Variants in ATXN2 observed in about 807,000 individuals in gnomAD.
The protein encoded by ATXN2 is ataxin 2.
Under a neutral mutation model 138.6 loss-of-function variants are expected in ATXN2, and 37 were observed. The ratio of observed to expected loss-of-function variants is 0.27; its 90% confidence interval spans 0.21 to 0.35. ATXN2 has a LOEUF of 0.35. ATXN2 is among the 10% of genes least tolerant of loss of function. ATXN2 has a pLI of 1.00. For missense variants in ATXN2, 1,216 were observed against 1,480.3 expected (o/e 0.82, Z 2.93); for synonymous variants, 549 against 543.7 (o/e 1.01, Z -0.13).
chr12:111,507,023 C>A (rs1401246794), intron 14 of ATXN2, among the ~76,000 whole-genome samples: 3 of 152,190 alleles, frequency 2.0e-5, no homozygotes, highest in African/African-American at 7.2e-5. Flanking sequence ...ACAACCTCCA[C>A]CTCCCAGCCA....
In ATXN2 at chr12:111,453,258, C is replaced by G. The variant is rs1874804467; in HGVS notation, c.3440-418G>C. On this transcript the variant is annotated intron_variant, in intron 24 of 24. Transcript: ENST00000673436. This position sits in a 1 kb window ranked among gnomAD's most constrained non-coding sequence, Gnocchi z 5.4. Reference sequence around the variant, plus strand: ...GGCTAACGCTACACTCAAAGCCAGTCCATCCACAGCGCTTTCTCAGCAGTA... The same window carrying G: ...GGCTAACGCTACACTCAAAGCCAGTGCATCCACAGCGCTTTCTCAGCAGTA... 9.4e-7 allele frequency: 1 copy of G among 1,060,694 alleles called. No individual in the cohort carries two copies. The highest frequency in any genetic ancestry group is 1.7e-5 in the African/African-American group (1 of 59,722). 65.7% of individuals were successfully genotyped at this position (1,060,694 alleles called of 1,614,324 possible).
intron 1 of ATXN2, among the ~76,000 whole-genome samples, chr12:111,567,328 C>T (rs543277980): frequency 1.4e-4 from 22 of 151,848 alleles, no homozygotes; most frequent in East Asian, 3.9e-4. Flanking sequence ...GGTGAAACCC[C>T]GTCTCTACTA....
At chr12:111,563,941 T>C (rs1378135691) in intron 1 of ATXN2, among the ~76,000 whole-genome samples, 3 of 152,208 alleles carry the variant, frequency 2.0e-5, no homozygotes, top group African/African-American at 7.2e-5. Flanking sequence ...GTATCTGTCA[T>C]ATACCCACTA....
At chr12:111,472,411 T>C (rs1209809512) in intron 18 of ATXN2, among the ~76,000 whole-genome samples, 1 of 152,050 alleles carries the variant, frequency 6.6e-6, no homozygotes, top group Non-Finnish European at 1.5e-5. Context: ...AAAACTAACA[T>C]ATAAACAGCA....
At chr12:111,520,758 A>G in intron 7 of ATXN2, 124 bp downstream of exon 7, 4 of 587,230 alleles carry the variant, frequency 6.8e-6, no homozygotes, top group Middle Eastern at 4.5e-4. Flanking sequence ...AGTTGGTAAT[A>G]AGAGAAAAAT....
chr12:111,562,700 A>G (rs1245954460), intron 1 of ATXN2, among the ~76,000 whole-genome samples: 1 of 146,882 alleles, frequency 6.8e-6, no homozygotes, highest in Non-Finnish European at 1.5e-5. Context: ...AGCCTGGGCA[A>G]TAAGAGCGAA....
intron 18 of ATXN2, among the ~76,000 whole-genome samples, chr12:111,477,431 G>C (rs1181438524): frequency 1.3e-5 from 2 of 152,006 alleles, no homozygotes; most frequent in African/African-American, 2.4e-5. Context: ...ATTTATGGTG[G>C]AGAAAATGAA....
chr12:111,520,826 G>C, intron 7 of ATXN2, 56 bp downstream of exon 7: 1 of 962,352 alleles, frequency 1.0e-6, no homozygotes, highest in Non-Finnish European at 1.6e-6. Flanking sequence ...CATAAATTAA[G>C]CTGATGAAAA....
chr12:111,491,240 C>A (rs1235857574), intron 14 of ATXN2, among the ~76,000 whole-genome samples: 1 of 151,976 alleles, frequency 6.6e-6, no homozygotes, highest in Non-Finnish European at 1.5e-5. Context: ...GCAATAAGAG[C>A]GAAACTCTGC....
intron 1 of ATXN2, among the ~76,000 whole-genome samples, chr12:111,596,279 T>C (rs1884938620): frequency 1.3e-5 from 2 of 151,384 alleles, no homozygotes; most frequent in Non-Finnish European, 2.9e-5. Context: ...TGTTCTAATA[T>C]TGTGATTACA....
At chr12:111,513,791 G>C (rs1879692255) in intron 10 of ATXN2, among the ~76,000 whole-genome samples, 2 of 151,874 alleles carry the variant, frequency 1.3e-5, no homozygotes, top group African/African-American at 4.8e-5. Flanking sequence ...TTTAAAGAAA[G>C]GGAGGGATGA....
Position 111,599,075 on chromosome 12 carries a change from C to G in ATXN2, c.-41G>C, listed in dbSNP as rs1290076846. On this transcript the variant is annotated 5_prime_UTR_variant, in exon 1 of 25. Transcript: ENST00000673436. ...CACCGGCTCGCACGCCGGGCGGGGA[C>G]AGCCGGGAGCCGGGCGCGCCAAGGA... 38 of 1,387,644 alleles carry G rather than the reference C, an allele frequency of 2.7e-5. No individual in the cohort carries two copies. Among genetic ancestry groups the G allele is most frequent in the Admixed American group, 2.3e-4 (8 of 34,388 alleles). The allele number at this position is 1,387,644 out of a possible 1,614,324, so 86.0% of individuals were successfully genotyped here. A position where few individuals can be genotyped will look rare whatever the true frequency, so the allele number is the denominator to read the frequency against.
chr12:111,555,135 G>C (rs1438880192), intron 2 of ATXN2, among the ~76,000 whole-genome samples: 1 of 151,814 alleles, frequency 6.6e-6, no homozygotes, highest in Non-Finnish European at 1.5e-5. Context: ...AAAGCCAAAG[G>C]AGAAAAATGA....
intron 14 of ATXN2, among the ~76,000 whole-genome samples, chr12:111,493,054 T>A (rs1878148404): frequency 6.6e-6 from 1 of 152,022 alleles, no homozygotes; most frequent in African/African-American, 2.4e-5. Context: ...GAAAAATGCA[T>A]CAGTCTCTCA....
At chr12:111,528,967 A>G (rs559667070) in intron 5 of ATXN2, among the ~76,000 whole-genome samples, 20 of 152,234 alleles carry the variant, frequency 1.3e-4, no homozygotes, top group African/African-American at 4.6e-4. Context: ...TTTAAAAAAA[A>G]TTTGTTTTTG....
At chr12:111,487,181 C>T (rs1566019761) in intron 15 of ATXN2, among the ~76,000 whole-genome samples, 1 of 151,928 alleles carries the variant, frequency 6.6e-6, no homozygotes, top group Non-Finnish European at 1.5e-5. Flanking sequence ...CGAGTTTAAG[C>T]CATTCTCTTG....
chr12:111,592,089 A>C (rs1348153285), intron 1 of ATXN2, among the ~76,000 whole-genome samples: 6 of 148,058 alleles, frequency 4.1e-5, no homozygotes, highest in Admixed American at 6.8e-5. Flanking sequence ...AAAAAAAAAA[A>C]AACACCTTAG....
chr12:111,589,192 G>A (rs112009841), intron 1 of ATXN2, among the ~76,000 whole-genome samples: 15,181 of 150,522 alleles, frequency 0.1, 2,519 homozygotes, highest in African/African-American at 0.35. Flanking sequence ...GCACACAGCT[G>A]TTATCCCAGC....
At chr12:111,491,051 A>G (rs760456390) in intron 14 of ATXN2, among the ~76,000 whole-genome samples, 1 of 152,158 alleles carries the variant, frequency 6.6e-6, no homozygotes, top group Non-Finnish European at 1.5e-5. Flanking sequence ...CGGGAGTTCA[A>G]GACCAGCCTG....
Sources: allele counts gnomAD v4.1 joint callset (sites outside exome capture counted in the v4.1 genomes callset), GRCh38; gene constraint gnomAD v4.1.1; non-coding constraint Gnocchi (gnomAD v3.1); transcripts MANE v1.5; gene names NCBI Gene and HGNC (gene_info 2026-07-23, HGNC 2026-07-21).